The following KSR2 variants were observed in gnomAD, a reference collection of about 807,000 sequenced individuals.
The protein encoded by KSR2 is kinase suppressor of ras 2.
A neutral mutation model predicts 107.8 loss-of-function variants in KSR2; 25 were observed. The ratio of observed to expected loss-of-function variants is 0.23; its 90% confidence interval spans 0.17 to 0.32. KSR2 has a LOEUF of 0.32. Among genes scored for constraint, KSR2 ranks in the 10% least tolerant of loss-of-function variants. The pLI, the probability that KSR2 is intolerant of heterozygous loss-of-function variation, is 1.00. For missense variants in KSR2, 887 were observed against 1,268.9 expected (o/e 0.70, Z 4.57); for synonymous variants, 480 against 507.0 (o/e 0.95, Z 0.71).
intron 4 of KSR2, among the ~76,000 whole-genome samples, chr12:117,702,119 G>C (rs556242988): frequency 6.6e-5 from 10 of 152,302 alleles, no homozygotes; most frequent in African/African-American, 2.4e-4. Flanking sequence ...CTTTGCACAT[G>C]CTGTTGCCCT....
chr12:117,554,984 A>C (rs1301402581), intron 9 of KSR2, among the ~76,000 whole-genome samples, 185 bp downstream of exon 9: 1 of 152,160 alleles, frequency 6.6e-6, no homozygotes, highest in Admixed American at 6.5e-5. Flanking sequence ...TTTCTGGCAC[A>C]CAAATCTCTC....
At chr12:117,479,183 T>C (rs544399368) in intron 16 of KSR2, among the ~76,000 whole-genome samples, 5 of 152,348 alleles carry the variant, frequency 3.3e-5, no homozygotes, top group Admixed American at 6.5e-5. Flanking sequence ...CATTTGGATA[T>C]ACTCGACTTT....
intron 4 of KSR2, among the ~76,000 whole-genome samples, chr12:117,729,923 G>A: frequency 6.6e-6 from 1 of 152,182 alleles, no homozygotes; most frequent in East Asian, 1.9e-4. Flanking sequence ...TGATGATCAT[G>A]ACTTCAGCCT....
intron 4 of KSR2, among the ~76,000 whole-genome samples, chr12:117,736,903 G>A (rs1163720946): frequency 2.6e-5 from 4 of 151,998 alleles, no homozygotes; most frequent in Non-Finnish European, 2.9e-5. Context: ...GCTTATTCCC[G>A]AATAGGAGAG....
At chr12:117,583,112 T>C (rs1432479594) in intron 5 of KSR2, among the ~76,000 whole-genome samples, 3 of 151,940 alleles carry the variant, frequency 2.0e-5, no homozygotes, top group African/African-American at 4.8e-5. Context: ...GGTGGATGAG[T>C]GGATAGATGA....
chr12:117,616,120 C>A (rs1881870967), intron 5 of KSR2, among the ~76,000 whole-genome samples: 2 of 148,308 alleles, frequency 1.3e-5, no homozygotes, highest in African/African-American at 2.5e-5. Context: ...TCATGCCACC[C>A]ACTGCACTTT....
chr12:117,808,259 C>A (rs532655808), intron 3 of KSR2, among the ~76,000 whole-genome samples: 1 of 152,146 alleles, frequency 6.6e-6, no homozygotes, highest in Non-Finnish European at 1.5e-5. Flanking sequence ...GAACCACAGA[C>A]GCAGAGCCCA....
intron 5 of KSR2, among the ~76,000 whole-genome samples, chr12:117,665,850 G>A (rs1884636234): frequency 6.6e-6 from 1 of 152,108 alleles, no homozygotes; most frequent in South Asian, 2.1e-4. Context: ...TAGAATAACT[G>A]GGGTTCAAAC....
intron 3 of KSR2, among the ~76,000 whole-genome samples, chr12:117,798,206 GA>G: frequency 6.6e-6 from 1 of 152,326 alleles, no homozygotes; most frequent in African/African-American, 2.4e-5. Context: ...GTCCTGAAGG[GA>G]AAAGTGGAGA....
intron 12 of KSR2, among the ~76,000 whole-genome samples, chr12:117,529,789 A>G (rs540096202): frequency 6.6e-6 from 1 of 151,888 alleles, no homozygotes; most frequent in Non-Finnish European, 1.5e-5. Context: ...GATCACTTGC[A>G]CCTAGGAGTT....
At chr12:117,561,623 A>G (rs1437664787) in intron 7 of KSR2, among the ~76,000 whole-genome samples, 1 of 152,188 alleles carries the variant, frequency 6.6e-6, no homozygotes, top group Admixed American at 6.5e-5. Flanking sequence ...GTGTGGGTAA[A>G]GTAGAAGGTT....
chr12:117,556,295 G>A (rs1877691486), intron 8 of KSR2, among the ~76,000 whole-genome samples: 1 of 152,156 alleles, frequency 6.6e-6, no homozygotes, highest in Admixed American at 6.5e-5. Flanking sequence ...TGTCCATATG[G>A]GAATCAGCCT....
chr12:117,670,192 T>TA (rs1246609247), intron 4 of KSR2, among the ~76,000 whole-genome samples: 1 of 152,192 alleles, frequency 6.6e-6, no homozygotes, highest in Non-Finnish European at 1.5e-5. Context: ...CATGGACATT[T>TA]AAAATTTTTC....
chr12:117,766,506 T>C (rs1180403455), intron 3 of KSR2, among the ~76,000 whole-genome samples: 1 of 152,222 alleles, frequency 6.6e-6, no homozygotes, highest in Non-Finnish European at 1.5e-5. Context: ...GAACTAAATG[T>C]CACATCCTGG....
chr12:117,594,228 T>C (rs1880504478), intron 5 of KSR2, among the ~76,000 whole-genome samples: 1 of 152,160 alleles, frequency 6.6e-6, no homozygotes, highest in Non-Finnish European at 1.5e-5. Flanking sequence ...AGAACCATTC[T>C]GTGGAATTTA....
chr12:117,662,836 A>G (rs982331851), intron 5 of KSR2, among the ~76,000 whole-genome samples: 3 of 152,230 alleles, frequency 2.0e-5, no homozygotes, highest in Admixed American at 2.0e-4. Flanking sequence ...AAACACCCAG[A>G]AAACTGCAGG....
intron 4 of KSR2, among the ~76,000 whole-genome samples, chr12:117,730,448 CAGTCTCCCTCTCCCT>C (rs1887617318): frequency 6.6e-6 from 1 of 151,742 alleles, no homozygotes; most frequent in African/African-American, 2.4e-5. Flanking sequence ...CCTCTTTCCA[CAGTCTCCCTCTCCCT>C]CGTCTCCCCT....
At chr12:117,793,370 T>C (rs1890363004) in intron 3 of KSR2, among the ~76,000 whole-genome samples, 1 of 126,848 alleles carries the variant, frequency 7.9e-6, no homozygotes. Context: ...CACACCAACA[T>C]GCACACACAC....
At chr12:117,666,905 G>A (rs1593109597) in intron 5 of KSR2, among the ~76,000 whole-genome samples, 4 of 152,178 alleles carry the variant, frequency 2.6e-5, no homozygotes, top group East Asian at 3.9e-4. Flanking sequence ...TTCCATTTCC[G>A]CTCCAAGTAA....
Sources: gnomAD v4.1 joint callset for allele counts (sites outside exome capture counted in the v4.1 genomes callset) on GRCh38, gnomAD v4.1.1 for gene constraint, MANE v1.5 for transcripts, NCBI Gene and HGNC (gene_info 2026-07-23, HGNC 2026-07-21) for gene names.